Variants in PCDH7 observed in about 807,000 individuals in gnomAD.
The protein encoded by PCDH7 is protocadherin 7, also known as protocadherin-7.
Under a neutral mutation model 58.9 loss-of-function variants are expected in PCDH7, and 17 were observed. The ratio of observed to expected loss-of-function variants is 0.29; its 90% CI spans 0.20 to 0.43. The LOEUF is 0.43. PCDH7 is among the 20% of genes least tolerant of loss of function. The pLI, the probability that PCDH7 is intolerant of heterozygous loss-of-function variation, is 1.00. For synonymous variants in PCDH7, 664 were observed against 616.4 expected, an observed-to-expected ratio of 1.08 and a Z score of -1.14; for missense variants, 1,274 against 1,441.0, an observed-to-expected ratio of 0.88 and a Z score of 1.88.
intron 1 of PCDH7, among the ~76,000 whole-genome samples, chr4:30,845,360 A>G (rs549717800): frequency 3.0e-4 from 45 of 152,292 alleles, no homozygotes; most frequent in African/African-American, 1.1e-3. Flanking sequence ...ATAACTTGGA[A>G]AATTTGTAGG....
At chr4:31,092,792 C>G (rs750537984) in intron 3 of PCDH7, among the ~76,000 whole-genome samples, 1 of 151,968 alleles carries the variant, frequency 6.6e-6, no homozygotes, top group Non-Finnish European at 1.5e-5. Context: ...GTTGTTTGGC[C>G]ATTTGCACTG....
At chr4:31,103,231 C>T (rs1442562538) in intron 3 of PCDH7, among the ~76,000 whole-genome samples, 2 of 152,100 alleles carry the variant, frequency 1.3e-5, no homozygotes, top group Admixed American at 6.5e-5. Context: ...TGCTTCCTTG[C>T]AGTGTTTCTA....
At chr4:31,100,133 T>C (rs1298203349) in intron 3 of PCDH7, among the ~76,000 whole-genome samples, 1 of 152,126 alleles carries the variant, frequency 6.6e-6, no homozygotes, top group Non-Finnish European at 1.5e-5. Flanking sequence ...CTAAAGAAAG[T>C]GATAGCTCCA....
chr4:30,912,136 A>G (rs1560494716), intron 1 of PCDH7, among the ~76,000 whole-genome samples: 1 of 152,296 alleles, frequency 6.6e-6, no homozygotes, highest in Middle Eastern at 3.4e-3. Flanking sequence ...TCTGCTATTG[A>G]CTTGAAAGAA....
At chr4:30,947,228 T>C (rs1003354154) in intron 2 of PCDH7, among the ~76,000 whole-genome samples, 8 of 152,126 alleles carry the variant, frequency 5.3e-5, no homozygotes, top group African/African-American at 1.9e-4. Context: ...GTCAGACCAA[T>C]AGTGTTTTCC....
chr4:31,134,829 T>C (rs1299110423), intron 3 of PCDH7, among the ~76,000 whole-genome samples: 1 of 152,162 alleles, frequency 6.6e-6, no homozygotes, highest in East Asian at 1.9e-4. Flanking sequence ...TAGACCATGC[T>C]TTCTCTCAGG....
intron 1 of PCDH7, among the ~76,000 whole-genome samples, chr4:30,765,959 TTG>T (rs1331611422): frequency 6.6e-6 from 1 of 151,986 alleles, no homozygotes; most frequent in Non-Finnish European, 1.5e-5. Flanking sequence ...ATATTTATAA[TTG>T]GGAGGGAGCA....
At chr4:30,754,234 C>T (rs995654048) in intron 1 of PCDH7, among the ~76,000 whole-genome samples, 3 of 151,430 alleles carry the variant, frequency 2.0e-5, no homozygotes, top group Non-Finnish European at 4.4e-5. Context: ...TTACTATTAG[C>T]CTCCACCATG....
Position 30,731,596 on chromosome 4 carries a change from G to A in PCDH7, c.*808G>A, listed in dbSNP as rs192568479. ...TGCTAAAGTCACTGTAGTCACATTC[G>A]GAAGGAATATGTGGCTTTCTGTTCT... On this transcript the variant is annotated 3_prime_UTR_variant, in exon 2 of 2. Transcript: ENST00000361762. 1.1e-3 allele frequency: 168 copies of A among 152,062 alleles called. 1 individual carries two copies. The highest frequency in any genetic ancestry group is 3.6e-3 in the African/African-American group (149 of 41,476). The allele number at this position is 152,062 out of a possible 1,614,324, so 9.4% of individuals were successfully genotyped here.
intron 3 of PCDH7, among the ~76,000 whole-genome samples, chr4:31,122,348 A>C (rs1169187770): frequency 2.6e-5 from 4 of 152,196 alleles, no homozygotes; most frequent in African/African-American, 9.6e-5. Flanking sequence ...AAATCTCATA[A>C]GTCATTGCTA....
chr4:30,721,861 G>A lies in PCDH7; in HGVS notation c.439G>A (p.Val147Met), dbSNP rs1425031724. 1.2e-6 allele frequency: 2 copies of A among 1,604,886 alleles called. No individual in the cohort carries two copies. The highest frequency in any genetic ancestry group is 8.5e-7 in the Non-Finnish European group (1 of 1,176,324). ...CAACACGCCCACCTTCCCGTCGCCCGTGCTCACGCTCACGGTGGAGGAGAA... is the reference window on the plus strand; with the variant it reads ...CAACACGCCCACCTTCCCGTCGCCCATGCTCACGCTCACGGTGGAGGAGAA... Residue 147 changes from valine (V) to methionine (M), a missense_variant, in exon 1 of 2, where the codon GTG (valine) becomes ATG (methionine). By Grantham distance (21) the Val-to-Met change is conservative. Coordinates refer to ENST00000361762, the Ensembl canonical transcript of PCDH7. The surrounding 1 kb of genome is among the most constrained non-coding windows in gnomAD (Gnocchi z 6.7).
At chr4:30,837,507 G>A (rs573259687) in intron 1 of PCDH7, among the ~76,000 whole-genome samples, 1 of 151,456 alleles carries the variant, frequency 6.6e-6, no homozygotes, top group African/African-American at 2.4e-5. Context: ...TAAGAGGTTG[G>A]TTATGTTACA....
At chr4:31,017,370 A>G (rs760802509) in intron 3 of PCDH7, among the ~76,000 whole-genome samples, 1 of 152,172 alleles carries the variant, frequency 6.6e-6, no homozygotes, top group Non-Finnish European at 1.5e-5. Context: ...TGTAAGCTCA[A>G]TACAGCAAGG....
At chr4:30,953,579 A>G (rs1333493542) in intron 3 of PCDH7, among the ~76,000 whole-genome samples, 1 of 152,026 alleles carries the variant, frequency 6.6e-6, no homozygotes, top group African/African-American at 2.4e-5. Context: ...AAAAAAAAAA[A>G]GAGGTACAGA....
chr4:30,741,807 T>C (rs1717119581), intron 1 of PCDH7, among the ~76,000 whole-genome samples: 1 of 152,232 alleles, frequency 6.6e-6, no homozygotes, highest in South Asian at 2.1e-4. Context: ...TGGAAAGCTG[T>C]TTCAAATTTA....
intron 1 of PCDH7, among the ~76,000 whole-genome samples, chr4:30,780,502 G>A (rs181263664): frequency 1.4e-4 from 20 of 147,876 alleles, no homozygotes; most frequent in African/African-American, 4.5e-4. Flanking sequence ...GCAAGACTCC[G>A]TCGAAAAGAA....
At chr4:30,990,495 T>A (rs1234357111) in intron 3 of PCDH7, among the ~76,000 whole-genome samples, 1 of 152,182 alleles carries the variant, frequency 6.6e-6, no homozygotes, top group East Asian at 1.9e-4. Flanking sequence ...AGTGCTTTTG[T>A]TTTCTTTTTC....
intron 3 of PCDH7, among the ~76,000 whole-genome samples, chr4:31,103,061 T>A (rs539104437): frequency 1.3e-5 from 2 of 152,324 alleles, no homozygotes; most frequent in South Asian, 4.1e-4. Context: ...AGAAAAAATA[T>A]AATATTTGTT....
chr4:30,777,419 GTAGTAGTAAA>G (rs1722217383), intron 1 of PCDH7, among the ~76,000 whole-genome samples: 1 of 152,124 alleles, frequency 6.6e-6, no homozygotes, highest in Admixed American at 6.5e-5. Flanking sequence ...TTCTTTCAAG[GTAGTAGTAAA>G]TGAGTGGTGA....
Sources: gnomAD v4.1 joint callset for allele counts (sites outside exome capture counted in the v4.1 genomes callset) on GRCh38, gnomAD v4.1.1 for gene constraint, Gnocchi (gnomAD v3.1) non-coding constraint, MANE v1.5 for transcripts, NCBI Gene and HGNC (gene_info 2026-07-23, HGNC 2026-07-21) for gene names.